The following CCDC69 variants were observed in gnomAD, a reference collection of about 807,000 sequenced individuals.
CCDC69 encodes the protein coiled-coil domain containing 69, also known as coiled-coil domain-containing protein 69.
CCDC69 carries 38 observed loss-of-function variants against 40.3 expected under a neutral mutation model. The observed-to-expected ratio is 0.94, with a 90% CI of 0.73 to 1.24. The LOEUF (loss-of-function observed/expected upper bound fraction) is 1.24. Among genes scored for constraint, CCDC69 ranks in the 50% most tolerant of loss-of-function variants. CCDC69 has a pLI of 0.00. For missense variants in CCDC69, 389 were observed against 357.9 expected, an observed-to-expected ratio of 1.09 and a Z score of -0.70; for synonymous variants, 141 against 138.9, an observed-to-expected ratio of 1.02 and a Z score of -0.11.
chr5:151,210,158 C>T (rs779756752), intron 1 of CCDC69, among the ~76,000 whole-genome samples: 5 of 152,196 alleles, frequency 3.3e-5, no homozygotes, highest in Non-Finnish European at 5.9e-5. Flanking sequence ...TAATGATGAG[C>T]AGAACATCCC....
chr5:151,184,401 A>C lies in CCDC69; in HGVS notation c.656T>G (p.Leu219Arg). 6.2e-7 allele frequency: 1 copy of C among 1,614,108 alleles called. No individual in the cohort carries two copies. Among genetic ancestry groups the C allele is most frequent in the Non-Finnish European group, 8.5e-7 (1 of 1,179,958 alleles). Residue 219 changes from leucine to arginine, a missense_variant, in exon 8 of 9, where the codon CTG becomes CGG. Physicochemically the swap from Leu to Arg is moderately radical, Grantham distance 102. Coordinates refer to ENST00000355417, the MANE Select transcript of CCDC69 (RefSeq NM_015621.3). ...NLILEEKITT[L>R]QQENEDLHVR... ...ATGGAGGTCCTCATTTTCCTGTTGC[A>C]GGGTCGTAATTTTTTCCTCCAATAT...
intron 4 of CCDC69, among the ~76,000 whole-genome samples, chr5:151,197,717 A>T (rs1752719508): frequency 6.6e-6 from 1 of 152,252 alleles, no homozygotes; most frequent in African/African-American, 2.4e-5. Flanking sequence ...TTCTATTAGG[A>T]TGTTATTCTA....
chr5:151,187,538 G>T, intron 4 of CCDC69, 79 bp from the exon 5 acceptor site: 4 of 1,197,516 alleles, frequency 3.3e-6, no homozygotes, highest in Non-Finnish European at 5.0e-6. Flanking sequence ...GGCCAGGAAG[G>T]TCCAGATATT....
intron 1 of CCDC69, among the ~76,000 whole-genome samples, chr5:151,211,592 G>A (rs10038871): frequency 0.58 from 84,839 of 146,676 alleles, 27,224 homozygotes; most frequent in African/African-American, 0.88. Context: ...GCACGATCTT[G>A]GCTCAATTGC....
intron 6 of CCDC69, 45 bp downstream of exon 6, chr5:151,185,978 C>T: frequency 7.3e-7 from 1 of 1,375,810 alleles, no homozygotes; most frequent in South Asian, 1.2e-5. Context: ...CCCTGACCTC[C>T]CTGGAGATTC....
chr5:151,190,877 A>T (rs1028550163), intron 4 of CCDC69, among the ~76,000 whole-genome samples: 3 of 152,106 alleles, frequency 2.0e-5, no homozygotes, highest in African/African-American at 7.2e-5. Context: ...AACACATCCT[A>T]AAATGGTAGA....
At chr5:151,217,132 G>T (rs1247595668) in intron 1 of CCDC69, among the ~76,000 whole-genome samples, 1 of 152,156 alleles carries the variant, frequency 6.6e-6, no homozygotes, top group African/African-American at 2.4e-5. Flanking sequence ...ACCCTGACTT[G>T]ATCATTACAC....
chr5:151,214,358 C>T (rs1005656674), intron 1 of CCDC69, among the ~76,000 whole-genome samples: 1 of 152,148 alleles, frequency 6.6e-6, no homozygotes. Context: ...ACTCCAGGGC[C>T]TTCGGGGAGG....
At chr5:151,195,042 C>T (rs1299321050) in intron 4 of CCDC69, among the ~76,000 whole-genome samples, 1 of 152,074 alleles carries the variant, frequency 6.6e-6, no homozygotes, top group Non-Finnish European at 1.5e-5. Flanking sequence ...CACCACTAGT[C>T]TCTCCTGGTT....
chr5:151,185,885 T>C (rs548903869), intron 6 of CCDC69, 138 bp downstream of exon 6: 1 of 661,714 alleles, frequency 1.5e-6, no homozygotes, highest in African/African-American at 1.8e-5. Flanking sequence ...TGGGAACTCT[T>C]TTATTTCCAG....
chr5:151,183,745 G>T, intron 8 of CCDC69, 131 bp from the exon 9 acceptor site: 1 of 757,990 alleles, frequency 1.3e-6, no homozygotes, highest in Non-Finnish European at 2.1e-6. Flanking sequence ...CTCCTTGTTG[G>T]CCTGTATACA....
intron 4 of CCDC69, 79 bp downstream of exon 4, chr5:151,198,918 T>C: frequency 2.0e-6 from 2 of 994,220 alleles, no homozygotes; most frequent in South Asian, 1.3e-5. Context: ...ACAGTGGGAG[T>C]GCCCAGGTGA....
At chr5:151,205,270 C>A in intron 2 of CCDC69, 130 bp downstream of exon 2, 1 of 772,240 alleles carries the variant, frequency 1.3e-6, no homozygotes. Context: ...TGATTTTAGA[C>A]ACGATACTCC....
At chr5:151,214,458 G>A (rs1323455979) in intron 1 of CCDC69, among the ~76,000 whole-genome samples, 1 of 152,118 alleles carries the variant, frequency 6.6e-6, no homozygotes, top group Non-Finnish European at 1.5e-5. Flanking sequence ...CATAAATACA[G>A]GCCTTAGCCT....
intron 1 of CCDC69, among the ~76,000 whole-genome samples, chr5:151,208,169 T>C (rs1391199987): frequency 6.6e-6 from 1 of 152,166 alleles, no homozygotes; most frequent in East Asian, 1.9e-4. Context: ...GAGAATTGCT[T>C]GAACCCAGGA....
At chr5:151,222,543 G>A (rs1459067696) in intron 1 of CCDC69, among the ~76,000 whole-genome samples, 1 of 152,218 alleles carries the variant, frequency 6.6e-6, no homozygotes, top group Non-Finnish European at 1.5e-5. Context: ...TCCCCATACA[G>A]GGAGAAACTG....
intron 1 of CCDC69, among the ~76,000 whole-genome samples, chr5:151,206,843 G>C (rs1464775115): frequency 6.6e-6 from 1 of 151,930 alleles, no homozygotes; most frequent in Admixed American, 6.6e-5. Flanking sequence ...TGTTAGCCAG[G>C]ATGGTCTCAA....
chr5:151,188,474 G>A (rs633917), intron 4 of CCDC69, among the ~76,000 whole-genome samples: 97,701 of 151,118 alleles, frequency 0.65, 31,999 homozygotes, highest in Admixed American at 0.77. Flanking sequence ...GCATGGTGGT[G>A]CAAGCCTGTA....
At chr5:151,188,699 T>C (rs1752563733) in intron 4 of CCDC69, among the ~76,000 whole-genome samples, 1 of 151,674 alleles carries the variant, frequency 6.6e-6, no homozygotes, top group South Asian at 2.1e-4. Flanking sequence ...TTTATAAATA[T>C]ATAATATCAA....
Sources: gnomAD v4.1 joint callset for allele counts (sites outside exome capture counted in the v4.1 genomes callset) on GRCh38, gnomAD v4.1.1 for gene constraint, MANE v1.5 for transcripts, NCBI Gene and HGNC (gene_info 2026-07-23, HGNC 2026-07-21) for gene names.